Variants in SYNE1 observed in about 807,000 individuals in gnomAD.
The protein encoded by SYNE1 is spectrin repeat containing nuclear envelope protein 1, also known as nesprin-1.
Under a neutral mutation model 1,111.0 loss-of-function variants are expected in SYNE1, and 616 were observed. That is an observed-to-expected ratio of 0.55 (90% CI 0.52 to 0.59). The LOEUF is 0.59. Ranked by LOEUF, SYNE1 falls within the 20% of genes least tolerant of loss-of-function variation. SYNE1 has a pLI of 0.00. For synonymous variants in SYNE1, 3,855 were observed against 3,825.8 expected (o/e 1.01, Z -0.28); for missense variants, 10,006 against 10,417.0 (o/e 0.96, Z 1.72).
At chr6:152,636,884 C>A (rs1361006338) in intron 1 of SYNE1, 79 bp from the exon 2 acceptor site, 3 of 152,390 alleles carry the variant, frequency 2.0e-5, no homozygotes, top group African/African-American at 7.2e-5. Context: ...CTGGCTGGCT[C>A]GCCCACACTC....
chr6:152,631,517 G>A (rs912127765), intron 2 of SYNE1, among the ~76,000 whole-genome samples: 14 of 152,168 alleles, frequency 9.2e-5, no homozygotes, highest in Admixed American at 9.2e-4. Flanking sequence ...GTATGATTGG[G>A]ATTATTCTAG....
Position 152,567,084 on chromosome 6 carries a change from C to T in SYNE1, c.68-27063G>A, listed in dbSNP as rs866901911. ...CATCTCCCTAAACTGCTCCATCCCT[C>T]TGCACCTGTTAACTGCTGTTTCACT... is the stretch of plus-strand genomic sequence containing the variant. On this transcript the variant is annotated intron_variant, in intron 3 of 145. Transcript: ENST00000367255. Among the ~76,000 whole-genome samples the T allele has an allele frequency of 5.9e-5, 9 of 152,010 alleles. No homozygotes were observed. In the South Asian group the frequency reaches 6.2e-4, roughly 11 times the overall value.
At position 152,206,299 on chromosome 6, in the gene SYNE1, G is replaced by T. The variant is rs770265252; in HGVS notation, c.22888C>A (p.Gln7630Lys). The change falls in exon 126 of 146, where the codon CAA becomes AAA. Residue 7630 changes from glutamine (Q) to lysine (K), a missense_variant. Transcript: ENST00000367255. The part of the protein sequence containing the change: ...SYILTVEAGK[Q>K]LLLSADSGAE... The stretch of plus-strand genomic sequence containing the variant: ...CCACTGTCCGCCGAGAGAAGGAGTT[G>T]CTTGCCAGCCTCCACAGTCAGGATG... 6.2e-7 allele frequency: 1 copy of T among 1,613,954 alleles called. No individual in the cohort carries two copies. The highest frequency in any genetic ancestry group is 8.5e-7 in the Non-Finnish European group (1 of 1,180,036).
rs532867895 is a variant in SYNE1, at chr6:152,632,546, T to C, written c.-223-3992A>G. Among the ~76,000 whole-genome samples, 36 of 152,208 alleles carry C rather than the reference T, an allele frequency of 2.4e-4. No homozygotes were observed. In the East Asian group the frequency reaches 6.4e-3, roughly 27 times the overall value. ...CTAGGCTAAACTTTATCCCAGCTAG[T>C]TGGGTGATTTTGAGCTGGTTCTATG... On this transcript the variant is annotated intron_variant, in intron 2 of 145. Coordinates refer to ENST00000367255, the MANE Select transcript of SYNE1 (RefSeq NM_182961.4).
intron 3 of SYNE1, among the ~76,000 whole-genome samples, chr6:152,570,727 T>C (rs2099448688): frequency 2.0e-5 from 3 of 152,154 alleles, no homozygotes. Context: ...AACAATGGTA[T>C]CCCCTTCCTT....
At chr6:152,429,434 A>G (rs781748686) in intron 36 of SYNE1, among the ~76,000 whole-genome samples, 5 of 152,194 alleles carry the variant, frequency 3.3e-5, no homozygotes, top group Non-Finnish European at 7.4e-5. Context: ...TATTCTCATT[A>G]TCAATATTTA....
At chr6:152,143,427 T>C (rs766025142) in intron 138 of SYNE1, among the ~76,000 whole-genome samples, 196 bp downstream of exon 138, 4 of 152,218 alleles carry the variant, frequency 2.6e-5, no homozygotes, top group African/African-American at 7.2e-5. Flanking sequence ...AACAGTTTTG[T>C]GGGCCTAAAA....
At chr6:152,453,187 A>C (rs1487186297) in intron 25 of SYNE1, among the ~76,000 whole-genome samples, 1 of 152,162 alleles carries the variant, frequency 6.6e-6, no homozygotes. Flanking sequence ...TAGCTATCTC[A>C]ACTAGATGAT....
At position 152,284,105 on chromosome 6, in the gene SYNE1, T is replaced by A. The variant is rs780920250; in HGVS notation, c.18080A>T (p.Glu6027Val). Residue 6027 changes from glutamate (E) to valine (V), a missense_variant, in exon 96 of 146, where the codon GAG (glutamate) becomes GTG (valine). Physicochemically the swap from Glu to Val is moderately radical, Grantham distance 121. Transcript: ENST00000367255. ...GGCCTCACAAGACTCGGATACCAGCTCCTCTGCGAGAGAGGACTGGAGCTC... is the reference window on the plus strand; with the variant it reads ...GGCCTCACAAGACTCGGATACCAGCACCTCTGCGAGAGAGGACTGGAGCTC... ...INELQSSLAEELVSESCEADP... is the reference protein window; with the variant it reads ...INELQSSLAEVLVSESCEADP... 12 of 1,613,986 alleles carry A rather than the reference T, an allele frequency of 7.4e-6. No homozygotes were observed. The Admixed American group carries it at 1.3e-4, about 18-fold the overall frequency.
intron 105 of SYNE1, among the ~76,000 whole-genome samples, chr6:152,246,999 C>T (rs190032186): frequency 1.3e-5 from 2 of 152,210 alleles, no homozygotes; most frequent in Middle Eastern, 3.4e-3. Context: ...TATCATGTAC[C>T]CTTTCTAAGA....
intron 3 of SYNE1, among the ~76,000 whole-genome samples, chr6:152,577,186 T>C (rs2099500050): frequency 6.6e-6 from 1 of 152,172 alleles, no homozygotes; most frequent in Non-Finnish European, 1.5e-5. Flanking sequence ...AGAAGTATAA[T>C]TAATGCAGGG....
At chr6:152,632,250 A>C (rs1165982770) in intron 2 of SYNE1, among the ~76,000 whole-genome samples, 1 of 152,172 alleles carries the variant, frequency 6.6e-6, no homozygotes, top group Non-Finnish European at 1.5e-5. Context: ...TCATTGAATC[A>C]AGTTCATAAT....
chr6:152,450,298 G>A lies in SYNE1; in HGVS notation c.3395+327C>T, dbSNP rs181669567. Among the ~76,000 whole-genome samples, 58 of 152,272 alleles carry A rather than the reference G, an allele frequency of 3.8e-4. No homozygotes were observed. In the East Asian group the frequency reaches 0.011, roughly 29 times the overall value. ...GAGGCCTCCCCAGCCATGCTGATCT[G>A]TGAGTCAATTAAACCTCTTTTCTTT... is the stretch of plus-strand genomic sequence containing the variant. On this transcript the variant is annotated intron_variant, in intron 27 of 145. Coordinates refer to ENST00000367255, the MANE Select transcript of SYNE1 (RefSeq NM_182961.4).
In SYNE1 at chr6:152,453,512, C is replaced by T. The variant is rs112382985; in HGVS notation, c.3027+74G>A. 194 of 1,608,714 alleles carry T rather than the reference C, an allele frequency of 1.2e-4. 1 individual carries two copies. The South Asian group carries it at 1.4e-3, about 12-fold the overall frequency. Reference sequence around the variant, plus strand: ...TCCAGGAATTTCTAAATTTCTCTTACATTTGGACCTTAACACGCTCAAGCT... The same window carrying T: ...TCCAGGAATTTCTAAATTTCTCTTATATTTGGACCTTAACACGCTCAAGCT... On this transcript the variant is annotated intron_variant, in intron 25 of 145. Transcript: ENST00000367255.
chr6:152,321,472 C>T (rs988255689), intron 83 of SYNE1, 82 bp from the exon 84 acceptor site: 41 of 1,511,616 alleles, frequency 2.7e-5, no homozygotes, highest in East Asian at 2.3e-5. Flanking sequence ...TTTTCATCAA[C>T]ATATAATTAA....
chr6:152,211,641 C>T lies in SYNE1; in HGVS notation c.22495-53G>A, dbSNP rs910475577. ...CTTTAGAGTTCCTAATTTTAGTGAT[C>T]GGTTCTCTGATAACTTTCCAAATAT... On this transcript the variant is annotated intron_variant, in intron 123 of 145. Transcript: ENST00000367255. The T allele has an allele frequency of 2.7e-5, 40 of 1,470,388 alleles. 1 individual carries two copies. Among genetic ancestry groups the T allele is most frequent in the South Asian group, 2.5e-4 (22 of 87,264 alleles). 91.1% of individuals were successfully genotyped at this position (1,470,388 alleles called of 1,614,324 possible). A position where few individuals can be genotyped will look rare whatever the true frequency, so the allele number is the denominator to read the frequency against.
chr6:152,256,271 T>A (rs1462845213), intron 102 of SYNE1, among the ~76,000 whole-genome samples: 1 of 141,952 alleles, frequency 7.0e-6, no homozygotes, highest in Admixed American at 7.1e-5. Flanking sequence ...ATAAAAAAAA[T>A]AAAAAAAAAT....
chr6:152,155,379 T>C (rs2061203995), intron 132 of SYNE1: 1 of 335,214 alleles, frequency 3.0e-6, no homozygotes, highest in African/African-American at 2.1e-5. Context: ...CTCAGGCCAG[T>C]GTCTTACGGA....
In SYNE1 at chr6:152,331,450, A is replaced by G. The variant is rs1298454037; in HGVS notation, c.13235T>C (p.Met4412Thr). The change falls in exon 78 of 146, where the codon ATG becomes ACG. Residue 4412 changes from methionine (M) to threonine (T), a missense_variant. Physicochemically the swap from Met to Thr is moderately conservative, Grantham distance 81 (BLOSUM62 -1). Transcript: ENST00000367255. ...TCGCTCATTGAGACCAAGATCTGCC[A>G]TGACCCTGTCTGCGTCCTTTATAAG... The part of the protein sequence containing the change: ...KSLIKDADRV[M>T]ADLGLNERQV... 1 of 1,614,184 alleles carries G rather than the reference A, an allele frequency of 6.2e-7. No individual in the cohort carries two copies. Among genetic ancestry groups the G allele is most frequent in the African/African-American group, 1.3e-5 (1 of 75,032 alleles).
Sources: allele counts gnomAD v4.1 joint callset (sites outside exome capture counted in the v4.1 genomes callset), GRCh38; gene constraint gnomAD v4.1.1; transcripts MANE v1.5; gene names NCBI Gene and HGNC (gene_info 2026-07-23, HGNC 2026-07-21).